RUFY2: variants seen among roughly 807,000 people sequenced by gnomAD.
The protein encoded by RUFY2 is RUN and FYVE domain containing 2.
RUFY2 carries 49 observed loss-of-function variants against 94.4 expected under a neutral mutation model. The ratio of observed to expected loss-of-function variants is 0.52; its 90% CI spans 0.41 to 0.66. The LOEUF is 0.66. RUFY2 is among the 30% of genes least tolerant of loss of function. RUFY2 has a pLI of 0.00. For missense variants in RUFY2, 541 were observed against 692.8 expected (o/e 0.78, Z 2.46); for synonymous variants, 255 against 235.7 (o/e 1.08, Z -0.75).
chr10:68,371,617 C>T (rs565628539), intron 13 of RUFY2, among the ~76,000 whole-genome samples: 29 of 151,020 alleles, frequency 1.9e-4, no homozygotes, highest in African/African-American at 6.5e-4. Flanking sequence ...CCAACATTCA[C>T]GGTATCAGAG....
intron 10 of RUFY2, among the ~76,000 whole-genome samples, chr10:68,381,612 AG>A (rs1473622791): frequency 4.6e-5 from 7 of 152,196 alleles, no homozygotes; most frequent in African/African-American, 1.7e-4. Context: ...TGGGAGGCCA[AG>A]GTGGGTGGAT....
In RUFY2 at chr10:68,345,066, A is replaced by G. The variant is rs1430445195; in HGVS notation, c.*702T>C. On this transcript the variant is annotated 3_prime_UTR_variant, in exon 18 of 18. Transcript: ENST00000602465. ...AATGAAACAGCATATGGGAAGATTT[A>G]TAAATCAGGAAAAGAAAGATGGTTA... 1 of 152,248 alleles carries G rather than the reference A, an allele frequency of 6.6e-6. No homozygotes were observed. Among genetic ancestry groups the G allele is most frequent in the African/African-American group, 2.4e-5 (1 of 41,460 alleles). The allele number at this position is 152,248 out of a possible 1,614,324, so 9.4% of individuals were successfully genotyped here. A position where few individuals can be genotyped will look rare whatever the true frequency, so the allele number is the denominator to read the frequency against.
chr10:68,351,855 G>A (rs530909442), intron 16 of RUFY2, among the ~76,000 whole-genome samples: 32 of 151,392 alleles, frequency 2.1e-4, no homozygotes, highest in Admixed American at 1.4e-3. Flanking sequence ...TCAGGAGTTC[G>A]AGACCAGCTT....
intron 8 of RUFY2, among the ~76,000 whole-genome samples, chr10:68,384,531 A>C (rs1248831931): frequency 2.0e-5 from 3 of 152,230 alleles, no homozygotes; most frequent in Non-Finnish European, 4.4e-5. Context: ...AGACTTGTGT[A>C]AAGATAAAAA....
rs1052023230 is a variant in RUFY2 at position 68,375,454 on chromosome 10, A to T, written c.1325+1399T>A. ...TAACAAGACTTCACATGTACCCCCA[A>T]ACCTAAAATAAAAGTTAAAAAAAAA... On this transcript the variant is annotated intron_variant, in intron 13 of 17. Coordinates refer to ENST00000602465, the MANE Select transcript of RUFY2 (RefSeq NM_001330103.2). 2.0e-5 allele frequency among the ~76,000 whole-genome samples: 3 copies of T among 151,746 alleles called. No individual in the cohort carries two copies. The South Asian group carries it at 6.2e-4, about 32-fold the overall frequency.
intron 3 of RUFY2, among the ~76,000 whole-genome samples, chr10:68,399,751 G>C (rs2050670076): frequency 6.6e-6 from 1 of 152,190 alleles, no homozygotes; most frequent in South Asian, 2.1e-4. Context: ...ATAAACTAAA[G>C]GGAGGCTGGG....
intron 7 of RUFY2, among the ~76,000 whole-genome samples, chr10:68,387,935 G>T (rs546590381): frequency 4.0e-5 from 6 of 151,760 alleles, no homozygotes; most frequent in Admixed American, 3.3e-4. Flanking sequence ...CCCGGGAGGC[G>T]GACGTTGCAG....
intron 15 of RUFY2, among the ~76,000 whole-genome samples, chr10:68,356,692 C>T (rs1056815230): frequency 2.0e-5 from 3 of 151,644 alleles, no homozygotes; most frequent in Non-Finnish European, 4.4e-5. Flanking sequence ...GGATTAGAGG[C>T]ACCCGCAATA....
intron 13 of RUFY2, among the ~76,000 whole-genome samples, chr10:68,369,221 A>G (rs2048074539): frequency 6.6e-6 from 1 of 152,246 alleles, no homozygotes; most frequent in Admixed American, 6.5e-5. Flanking sequence ...ACAGTGGCTC[A>G]TGCCTGTAAT....
chr10:68,377,512 C>CTGTGTG lies in RUFY2; in HGVS notation c.1206-546_1206-541dup, dbSNP rs138187780. 9 of 946,688 alleles carry CTGTGTG rather than the reference C, an allele frequency of 9.5e-6. No homozygotes were observed. The South Asian group carries it at 1.9e-4, about 20-fold the overall frequency. The allele number at this position is 946,688 out of a possible 1,614,324, so 58.6% of individuals were successfully genotyped here. ...GCATTTACTAAATTATGCCGAAGCT[C>CTGTGTG]TGTGTGTGTGTGTGTGTGCACGTGT... On this transcript the variant is annotated intron_variant, in intron 12 of 17. Transcript: ENST00000602465.
At chr10:68,355,321 A>T in intron 16 of RUFY2, 32 bp downstream of exon 16, 1 of 1,540,262 alleles carries the variant, frequency 6.5e-7, no homozygotes, top group Non-Finnish European at 9.0e-7. Context: ...ACTTTCACAT[A>T]CCTTCCCACT....
chr10:68,376,373 G>A (rs1370120041), intron 13 of RUFY2, among the ~76,000 whole-genome samples: 1 of 143,488 alleles, frequency 7.0e-6, no homozygotes, highest in Admixed American at 7.1e-5. Context: ...GTTGCAGTGA[G>A]CTGAGGTCAC....
intron 1 of RUFY2, chr10:68,406,850 C>T (rs199937661): frequency 6.2e-6 from 10 of 1,612,166 alleles, no homozygotes; most frequent in Non-Finnish European, 7.6e-6. Context: ...CACCCCCAAA[C>T]CTGAAAAGTC....
intron 13 of RUFY2, among the ~76,000 whole-genome samples, chr10:68,375,924 T>C (rs1589879352): frequency 6.7e-6 from 1 of 148,770 alleles, no homozygotes; most frequent in South Asian, 2.1e-4. Flanking sequence ...GTCATGAAAC[T>C]TTGTCTCTAA....
At chr10:68,400,689 A>T (rs1271190191) in intron 3 of RUFY2, among the ~76,000 whole-genome samples, 2 of 148,696 alleles carry the variant, frequency 1.3e-5, no homozygotes, top group African/African-American at 5.0e-5. Context: ...AAAAATAAAG[A>T]AAATAAAAAT....
At chr10:68,368,452 G>T (rs1158454602) in intron 13 of RUFY2, among the ~76,000 whole-genome samples, 1 of 151,494 alleles carries the variant, frequency 6.6e-6, no homozygotes. Flanking sequence ...CTGAGGTCGG[G>T]AGTTCAAGAC....
chr10:68,384,838 C>T (rs2049356290), intron 8 of RUFY2, among the ~76,000 whole-genome samples: 1 of 152,172 alleles, frequency 6.6e-6, no homozygotes, highest in South Asian at 2.1e-4. Flanking sequence ...CACAGTCCTA[C>T]TAAAGTCAAG....
chr10:68,353,999 T>C (rs2046877157), intron 16 of RUFY2, among the ~76,000 whole-genome samples: 1 of 151,834 alleles, frequency 6.6e-6, no homozygotes, highest in South Asian at 2.1e-4. Flanking sequence ...TACTGAACAT[T>C]AGTTAGACAT....
chr10:68,404,168 A>C (rs1564859223), intron 2 of RUFY2, among the ~76,000 whole-genome samples: 2 of 152,250 alleles, frequency 1.3e-5, no homozygotes, highest in Admixed American at 6.5e-5. Context: ...ACAATAATTC[A>C]ATATGTACTG....
Sources: allele counts gnomAD v4.1 joint callset (sites outside exome capture counted in the v4.1 genomes callset), GRCh38; gene constraint gnomAD v4.1.1; transcripts MANE v1.5; gene names NCBI Gene and HGNC (gene_info 2026-07-23, HGNC 2026-07-21).